The following GALNT1 variants were observed in gnomAD, a reference collection of about 807,000 sequenced individuals.
GALNT1 encodes GalNAc transferase 1.
In GALNT1, 17 loss-of-function variants were observed where a neutral mutation model predicts 65.7. The ratio of observed to expected loss-of-function variants is 0.26; its 90% confidence interval spans 0.18 to 0.39. The LOEUF (loss-of-function observed/expected upper bound fraction) is 0.39, where lower values mean the gene tolerates loss of function less well. Ranked by LOEUF, GALNT1 falls within the 10% of genes least tolerant of loss-of-function variation. GALNT1 has a pLI of 1.00. For synonymous variants in GALNT1, 210 were observed against 219.7 expected (o/e 0.96, Z 0.39); for missense variants, 460 against 672.8 (o/e 0.68, Z 3.50).
rs528581160 is a variant in GALNT1, at chr18:35,604,965, T to TA, written c.-104+23108dup. On this transcript the variant is annotated intron_variant, in intron 1 of 11. Transcript: ENST00000269195. ...CACTAGACCTAAATTTCCTGAACAG[T>TA]AAAAACAAGGATGTTGCCCTGAATA... 5.0e-3 allele frequency among the ~76,000 whole-genome samples: 765 copies of TA among 152,298 alleles called. 8 individuals are homozygous for TA. Among genetic ancestry groups the TA allele is most frequent in the African/African-American group, 0.017 (712 of 41,578 alleles).
At chr18:35,630,958 A>C (rs577749351) in intron 1 of GALNT1, among the ~76,000 whole-genome samples, 1,585 of 152,344 alleles carry the variant, frequency 0.01, 9 homozygotes, top group Middle Eastern at 0.024. Context: ...ATCTAGAAGA[A>C]ATGGATAAAT....
intron 7 of GALNT1, among the ~76,000 whole-genome samples, chr18:35,689,761 C>G (rs2047927057): frequency 6.6e-6 from 1 of 152,102 alleles, no homozygotes; most frequent in Non-Finnish European, 1.5e-5. Flanking sequence ...TCTAAAATGA[C>G]TCTAAATTAA....
intron 3 of GALNT1, among the ~76,000 whole-genome samples, chr18:35,676,317 G>A (rs1018084613): frequency 3.3e-5 from 5 of 152,220 alleles, no homozygotes; most frequent in African/African-American, 1.2e-4. Context: ...AGGGGCTGCA[G>A]TGGAATATAT....
intron 5 of GALNT1, among the ~76,000 whole-genome samples, chr18:35,684,262 A>C (rs1430652173): frequency 6.6e-6 from 1 of 152,184 alleles, no homozygotes; most frequent in Non-Finnish European, 1.5e-5. Flanking sequence ...ATTTTAGTGG[A>C]GTGAACTTTT....
At chr18:35,651,625 G>A (rs530328078) in intron 1 of GALNT1, among the ~76,000 whole-genome samples, 1 of 152,072 alleles carries the variant, frequency 6.6e-6, no homozygotes, top group South Asian at 2.1e-4. Flanking sequence ...ACTGAGCTTT[G>A]TGTGCCTTTT....
intron 2 of GALNT1, among the ~76,000 whole-genome samples, chr18:35,661,367 C>T (rs781262081): frequency 3.3e-5 from 5 of 151,970 alleles, no homozygotes; most frequent in African/African-American, 4.8e-5. Flanking sequence ...GATATGGTGG[C>T]GCGTGTCTGT....
intron 1 of GALNT1, among the ~76,000 whole-genome samples, chr18:35,605,348 A>G (rs1253778382): frequency 2.6e-5 from 4 of 152,068 alleles, no homozygotes; most frequent in Non-Finnish European, 5.9e-5. Context: ...AAATACAAAA[A>G]TTAGCCGGGT....
At position 35,677,740 on chromosome 18, in the gene GALNT1, A is replaced by T; in HGVS notation, c.464A>T (p.Asp155Val). The stretch of plus-strand genomic sequence containing the variant: ...ATGATAGAAGAAATTGTTCTAGTAG[A>T]TGATGCCAGTGAAAGAGGTAAATTT... ...RHMIEEIVLVDDASERDFLKR... is the reference protein window; with the variant it reads ...RHMIEEIVLVVDASERDFLKR... The change falls in exon 4 of 12, where the codon GAT becomes GTT. Residue 155 changes from aspartate to valine, a missense_variant. Asp to Val is a radical substitution (Grantham distance 152, BLOSUM62 -3). Transcript: ENST00000269195. 6.2e-7 allele frequency: 1 copy of T among 1,603,776 alleles called. No homozygotes were observed. The highest frequency in any genetic ancestry group is 8.5e-7 in the Non-Finnish European group (1 of 1,173,952).
chr18:35,639,585 GAAC>G (rs1357828355), intron 1 of GALNT1, among the ~76,000 whole-genome samples: 16 of 152,044 alleles, frequency 1.1e-4, no homozygotes, highest in Non-Finnish European at 1.0e-4. Context: ...TTTTTTTAAA[GAAC>G]AACAATATAG....
At chr18:35,603,556 C>T (rs559482764) in intron 1 of GALNT1, among the ~76,000 whole-genome samples, 6 of 152,260 alleles carry the variant, frequency 3.9e-5, no homozygotes, top group African/African-American at 9.6e-5. Flanking sequence ...GACACACACA[C>T]GTTAATTTAT....
intron 1 of GALNT1, among the ~76,000 whole-genome samples, chr18:35,624,324 C>T (rs2046890498): frequency 6.6e-6 from 1 of 152,182 alleles, no homozygotes; most frequent in Non-Finnish European, 1.5e-5. Context: ...TCTTGAGTTT[C>T]AGTAACTCTG....
chr18:35,618,975 A>G (rs977788095), intron 1 of GALNT1, among the ~76,000 whole-genome samples: 2 of 152,220 alleles, frequency 1.3e-5, no homozygotes, highest in African/African-American at 4.8e-5. Flanking sequence ...GCTATAAACT[A>G]AGAGACGTTA....
chr18:35,665,032 T>TA (rs1475454261), intron 3 of GALNT1, among the ~76,000 whole-genome samples: 1 of 152,250 alleles, frequency 6.6e-6, no homozygotes, highest in Non-Finnish European at 1.5e-5. Context: ...TGATCACCCT[T>TA]ATGGAAACTC....
At chr18:35,688,703 C>CTATT (rs1301236629) in intron 6 of GALNT1, among the ~76,000 whole-genome samples, 1 of 152,122 alleles carries the variant, frequency 6.6e-6, no homozygotes, top group Non-Finnish European at 1.5e-5. Flanking sequence ...TGTATTTATA[C>CTATT]TATTTGCCAC....
At chr18:35,638,198 A>G (rs938060137) in intron 1 of GALNT1, among the ~76,000 whole-genome samples, 3 of 152,170 alleles carry the variant, frequency 2.0e-5, no homozygotes, top group African/African-American at 7.2e-5. Flanking sequence ...TAAGAAATAC[A>G]TTTCATAAGG....
intron 11 of GALNT1, among the ~76,000 whole-genome samples, chr18:35,706,423 A>G (rs1289156294): frequency 3.3e-5 from 5 of 152,142 alleles, no homozygotes; most frequent in Non-Finnish European, 1.5e-5. Flanking sequence ...AATGGCGTGA[A>G]CCCAGGAGGC....
chr18:35,667,388 A>C (rs1364592917), intron 3 of GALNT1, among the ~76,000 whole-genome samples: 3 of 152,160 alleles, frequency 2.0e-5, no homozygotes, highest in African/African-American at 7.2e-5. Flanking sequence ...CATATTCTCC[A>C]GCCCCAAGCA....
At chr18:35,639,767 A>G (rs559689255) in intron 1 of GALNT1, among the ~76,000 whole-genome samples, 12 of 152,292 alleles carry the variant, frequency 7.9e-5, no homozygotes, top group African/African-American at 2.4e-4. Context: ...TTGTTCCACC[A>G]TAAATATTTA....
chr18:35,621,972 T>A (rs896330729), intron 1 of GALNT1, among the ~76,000 whole-genome samples: 4 of 152,190 alleles, frequency 2.6e-5, no homozygotes, highest in African/African-American at 9.7e-5. Flanking sequence ...ACCAAATTAG[T>A]TACCATATCT....
Sources: allele counts gnomAD v4.1 joint callset (sites outside exome capture counted in the v4.1 genomes callset), GRCh38; gene constraint gnomAD v4.1.1; transcripts MANE v1.5; gene names NCBI Gene and HGNC (gene_info 2026-07-23, HGNC 2026-07-21).